JAKMIP2: variants seen among roughly 807,000 people sequenced by gnomAD.
JAKMIP2 encodes the protein janus kinase and microtubule interacting protein 2.
A neutral mutation model predicts 115.0 loss-of-function variants in JAKMIP2; 25 were observed. That is an observed-to-expected ratio of 0.22 (90% CI 0.16 to 0.30). The LOEUF (loss-of-function observed/expected upper bound fraction) is 0.30. Among genes scored for constraint, JAKMIP2 ranks in the 10% least tolerant of loss-of-function variants. The pLI is 1.00. For missense variants in JAKMIP2, 642 were observed against 957.6 expected (o/e 0.67, Z 4.35); for synonymous variants, 334 against 343.6 (o/e 0.97, Z 0.31).
chr5:147,612,788 A>G (rs1484887105), intron 19 of JAKMIP2, among the ~76,000 whole-genome samples: 3 of 152,190 alleles, frequency 2.0e-5, no homozygotes, highest in Admixed American at 1.3e-4. Flanking sequence ...AGCAAGAAAC[A>G]AGCTTTGTTA....
At chr5:147,740,615 G>A (rs986527270) in intron 1 of JAKMIP2, among the ~76,000 whole-genome samples, 7 of 152,180 alleles carry the variant, frequency 4.6e-5, no homozygotes, top group Non-Finnish European at 1.0e-4. Context: ...AAGCAGTGTG[G>A]AGGGGTCTTA....
At chr5:147,694,099 A>G (rs775344201) in intron 1 of JAKMIP2, among the ~76,000 whole-genome samples, 1 of 152,204 alleles carries the variant, frequency 6.6e-6, no homozygotes, top group Non-Finnish European at 1.5e-5. Context: ...TGGTATCAGA[A>G]TAGCCAGGCT....
chr5:147,616,242 T>C (rs1756575118), intron 19 of JAKMIP2, among the ~76,000 whole-genome samples: 1 of 152,176 alleles, frequency 6.6e-6, no homozygotes, highest in South Asian at 2.1e-4. Flanking sequence ...CAATATCTTC[T>C]GGAATAATTC....
At chr5:147,665,393 G>A (rs527308404) in intron 2 of JAKMIP2, among the ~76,000 whole-genome samples, 10 of 152,222 alleles carry the variant, frequency 6.6e-5, no homozygotes, top group East Asian at 1.9e-4. Flanking sequence ...TAGAAACTAC[G>A]ACAATTTACC....
At chr5:147,687,244 T>G (rs939547538) in intron 1 of JAKMIP2, among the ~76,000 whole-genome samples, 2 of 152,354 alleles carry the variant, frequency 1.3e-5, no homozygotes, top group African/African-American at 4.8e-5. Flanking sequence ...CATTATCTTT[T>G]TAATGCTCTG....
chr5:147,709,026 T>C (rs1032063288), intron 1 of JAKMIP2, among the ~76,000 whole-genome samples: 2 of 152,204 alleles, frequency 1.3e-5, no homozygotes, highest in Admixed American at 1.3e-4. Context: ...GTGCTGGTGA[T>C]GGAAGTGAAA....
intron 1 of JAKMIP2, among the ~76,000 whole-genome samples, chr5:147,769,343 G>T (rs1218976595): frequency 6.6e-6 from 1 of 152,116 alleles, no homozygotes; most frequent in Non-Finnish European, 1.5e-5. Context: ...AGTGTAAGCA[G>T]ATCCTTCATG....
intron 1 of JAKMIP2, among the ~76,000 whole-genome samples, chr5:147,688,519 A>G (rs756860695): frequency 6.6e-6 from 1 of 152,214 alleles, no homozygotes; most frequent in Non-Finnish European, 1.5e-5. Flanking sequence ...GTCTGATTAA[A>G]TGCAACTAAT....
intron 10 of JAKMIP2, 87 bp downstream of exon 10, chr5:147,639,545 G>C: frequency 6.9e-7 from 1 of 1,446,874 alleles, no homozygotes; most frequent in East Asian, 2.3e-5. Context: ...AGGGAAAGCT[G>C]TCTTATTGAT....
chr5:147,611,763 C>T (rs1216460953), intron 20 of JAKMIP2, among the ~76,000 whole-genome samples: 1 of 152,174 alleles, frequency 6.6e-6, no homozygotes, highest in Non-Finnish European at 1.5e-5. Context: ...CAAGTGCCCT[C>T]TGTAAGAGCC....
In JAKMIP2 at chr5:147,764,944, GAGGGAGA is replaced by G. The variant is rs1755080921; in HGVS notation, c.-149+17505_-149+17511del. ...AAAGAGAGAGAGAGAGAGAGAGAGAGAGGGAGAGAGAGAGAGAGAGAGGGGGAGAGAG... is the reference window on the plus strand; with the variant it reads ...AAAGAGAGAGAGAGAGAGAGAGAGAGGAGAGAGAGAGAGAGGGGGAGAGAG... On this transcript the variant is annotated intron_variant, in intron 1 of 21. Coordinates refer to ENST00000616793, the MANE Select transcript of JAKMIP2 (RefSeq NM_001270941.2). Among the ~76,000 whole-genome samples the G allele has an allele frequency of 1.1e-4, 8 of 75,338 alleles. 2 individuals are homozygous for G. Among genetic ancestry groups the G allele is most frequent in the African/African-American group, 5.6e-4 (7 of 12,398 alleles). The allele number at this position is 75,338 out of a possible 152,430, so 49.4% of individuals were successfully genotyped here.
intron 3 of JAKMIP2, chr5:147,660,376 A>G (rs1467086815): frequency 2.7e-6 from 1 of 365,954 alleles, no homozygotes; most frequent in South Asian, 2.1e-5. Context: ...CCTGTTTTAA[A>G]TGACTCCTGT....
At chr5:147,720,158 A>G (rs998786720) in intron 1 of JAKMIP2, among the ~76,000 whole-genome samples, 4 of 152,148 alleles carry the variant, frequency 2.6e-5, no homozygotes, top group African/African-American at 9.7e-5. Context: ...CTTGTCTTTA[A>G]GAATGTTGAA....
intron 1 of JAKMIP2, among the ~76,000 whole-genome samples, chr5:147,722,688 TGAA>T (rs1040310377): frequency 6.6e-6 from 1 of 152,124 alleles, no homozygotes; most frequent in African/African-American, 2.4e-5. Context: ...AGAAATGAAA[TGAA>T]GAAAAAACTA....
intron 21 of JAKMIP2, among the ~76,000 whole-genome samples, chr5:147,592,892 A>G (rs1388450387): frequency 2.0e-5 from 3 of 152,208 alleles, no homozygotes; most frequent in African/African-American, 4.8e-5. Flanking sequence ...TTGCAGAGCC[A>G]TTTTGCTCCC....
chr5:147,742,155 A>ATATATATATATATT, intron 1 of JAKMIP2, among the ~76,000 whole-genome samples: 17 of 108,906 alleles, frequency 1.6e-4, no homozygotes, highest in African/African-American at 6.4e-4. Context: ...ATATATATAT[A>ATATATATATATATT]TTTTTTTTAC....
chr5:147,674,710 G>A (rs1020463159), intron 1 of JAKMIP2, among the ~76,000 whole-genome samples: 1 of 152,186 alleles, frequency 6.6e-6, no homozygotes, highest in Non-Finnish European at 1.5e-5. Context: ...TTCTCACAAA[G>A]TTTAGGGAAA....
chr5:147,613,573 T>A (rs1756432580), intron 19 of JAKMIP2, among the ~76,000 whole-genome samples: 1 of 152,188 alleles, frequency 6.6e-6, no homozygotes, highest in African/African-American at 2.4e-5. Context: ...GTGGTTTTAG[T>A]ATATTCATAA....
chr5:147,605,234 G>T (rs1755943110), intron 20 of JAKMIP2, among the ~76,000 whole-genome samples: 1 of 118,448 alleles, frequency 8.4e-6, no homozygotes, highest in Admixed American at 1.1e-4. Flanking sequence ...TTTTGAGACG[G>T]AGTCTTGCTC....
Sources: gnomAD v4.1 joint callset for allele counts (sites outside exome capture counted in the v4.1 genomes callset) on GRCh38, gnomAD v4.1.1 for gene constraint, MANE v1.5 for transcripts, NCBI Gene and HGNC (gene_info 2026-07-23, HGNC 2026-07-21) for gene names.